EEFSEC: variants seen among roughly 807,000 people sequenced by gnomAD.
EEFSEC encodes selenocysteine-specific elongation factor.
In EEFSEC, 43 loss-of-function variants were observed where a neutral mutation model predicts 42.1. The observed-to-expected ratio is 1.02, with a 90% CI of 0.80 to 1.32. The LOEUF is 1.32. Among genes scored for constraint, EEFSEC ranks in the 40% most tolerant of loss-of-function variants. EEFSEC has a pLI of 0.00. For missense variants in EEFSEC, 745 were observed against 803.6 expected, an observed-to-expected ratio of 0.93 and a Z score of 0.88; for synonymous variants, 354 against 339.1, an observed-to-expected ratio of 1.04 and a Z score of -0.48.
At chr3:128,159,254 T>A (rs1944436505) in intron 1 of EEFSEC, among the ~76,000 whole-genome samples, 1 of 152,212 alleles carries the variant, frequency 6.6e-6, no homozygotes, top group Non-Finnish European at 1.5e-5. Flanking sequence ...CCAAGCAAAG[T>A]GCCTTGGGCT....
At chr3:128,237,133 A>C (rs1446525925) in intron 1 of EEFSEC, among the ~76,000 whole-genome samples, 1 of 152,186 alleles carries the variant, frequency 6.6e-6, no homozygotes, top group African/African-American at 2.4e-5. Context: ...TATATTTCCA[A>C]TTTGAAATAT....
intron 4 of EEFSEC, among the ~76,000 whole-genome samples, chr3:128,280,472 A>G (rs2066514309): frequency 6.6e-6 from 1 of 152,036 alleles, no homozygotes; most frequent in Non-Finnish European, 1.5e-5. Context: ...TCTGCTGGGG[A>G]GGCCTCTGTG....
chr3:128,209,493 G>A (rs143603714), intron 1 of EEFSEC, among the ~76,000 whole-genome samples: 24 of 152,266 alleles, frequency 1.6e-4, no homozygotes, highest in African/African-American at 4.8e-4. Context: ...AAGGCTAGGC[G>A]CCAGTCTTAC....
rs143407018 is a variant in EEFSEC at position 128,224,781 on chromosome 3, A to G, written c.317-22055A>G. ...TTCTTTGGTATCCAGTACCCTATCT[A>G]TATTTAGAATTTTCTTGAAAAATGT... On this transcript the variant is annotated intron_variant, in intron 1 of 6. Coordinates refer to ENST00000254730, the MANE Select transcript of EEFSEC (RefSeq NM_021937.5). Among the ~76,000 whole-genome samples, 385 of 152,320 alleles carry G rather than the reference A, an allele frequency of 2.5e-3. 1 individual carries two copies. The highest frequency in any genetic ancestry group is 9.1e-3 in the African/African-American group (380 of 41,564).
intron 6 of EEFSEC, among the ~76,000 whole-genome samples, chr3:128,383,499 G>A (rs966573319): frequency 2.0e-5 from 3 of 152,228 alleles, no homozygotes; most frequent in Admixed American, 6.5e-5. Context: ...AGACTAAGGC[G>A]CAGAGAGGTC....
In EEFSEC at chr3:128,317,566, G is replaced by A. The variant is rs946542809; in HGVS notation, c.787-23667G>A. On this transcript the variant is annotated intron_variant, in intron 4 of 6. Transcript: ENST00000254730. The surrounding 1 kb of genome is among the most constrained non-coding windows in gnomAD (Gnocchi z 4.1). Reference sequence around the variant, plus strand: ...CCCCATCAGTCCTCTTTCCACCCGGGCTACCACTGGAGTCGTTCTGACCTT... The same window carrying A: ...CCCCATCAGTCCTCTTTCCACCCGGACTACCACTGGAGTCGTTCTGACCTT... Among the ~76,000 whole-genome samples the A allele has an allele frequency of 6.6e-6, 1 of 152,188 alleles. No individual in the cohort carries two copies. Among genetic ancestry groups the A allele is most frequent in the African/African-American group, 2.4e-5 (1 of 41,448 alleles).
chr3:128,194,872 CTT>C (rs2065565756), intron 1 of EEFSEC, among the ~76,000 whole-genome samples: 1 of 152,202 alleles, frequency 6.6e-6, no homozygotes, highest in African/African-American at 2.4e-5. Flanking sequence ...ATCTAGGTGA[CTT>C]TTAATTTCCT....
chr3:128,284,018 A>G (rs532857986), intron 4 of EEFSEC, among the ~76,000 whole-genome samples: 18 of 152,326 alleles, frequency 1.2e-4, no homozygotes, highest in Admixed American at 1.3e-4. Flanking sequence ...GCTGCCATGT[A>G]TCAGCCTCCC....
chr3:128,250,109 TG>T (rs1249554669), intron 2 of EEFSEC, among the ~76,000 whole-genome samples: 1 of 152,186 alleles, frequency 6.6e-6, no homozygotes, highest in Non-Finnish European at 1.5e-5. Context: ...TTTCTGTTGT[TG>T]TTGTTGTTGA....
chr3:128,341,343 G>A lies in EEFSEC; in HGVS notation c.897G>A (p.Glu299=). The part of the protein sequence containing the change: ...CVTQFDPKLL[E]RGLVCAPESL... ...CCCAGTTTGACCCTAAGCTGCTGGAGCGCGGGTTGGTGTGTGCCCCCGAGT... is the reference window on the plus strand; with the variant it reads ...CCCAGTTTGACCCTAAGCTGCTGGAACGCGGGTTGGTGTGTGCCCCCGAGT... Residue 299 remains glutamate (E), a synonymous_variant, in exon 5 of 7, where the codon GAG becomes GAA. Coordinates refer to ENST00000254730, the MANE Select transcript of EEFSEC (RefSeq NM_021937.5). 1 of 1,614,194 alleles carries A rather than the reference G, an allele frequency of 6.2e-7. No individual in the cohort carries two copies. The highest frequency in any genetic ancestry group is 8.5e-7 in the Non-Finnish European group (1 of 1,180,038).
In EEFSEC at chr3:128,382,257, A is replaced by G. The variant is rs545009802; in HGVS notation, c.1600+23884A>G. On this transcript the variant is annotated intron_variant, in intron 6 of 6. Coordinates refer to ENST00000254730, the MANE Select transcript of EEFSEC (RefSeq NM_021937.5). ...ACTCCTGGGCCTTGAGGCAAGTGTC[A>G]TGGGAAATTGGATGCCAACCAAGCC... 3.3e-5 allele frequency among the ~76,000 whole-genome samples: 5 copies of G among 152,356 alleles called. 1 individual carries two copies. Among genetic ancestry groups the G allele is most frequent in the African/African-American group, 1.2e-4 (5 of 41,594 alleles).
At position 128,341,771 on chromosome 3, in the gene EEFSEC, G is replaced by T. The variant is rs2067257427; in HGVS notation, c.1325G>T (p.Cys442Phe). 1 of 1,614,022 alleles carries T rather than the reference G, an allele frequency of 6.2e-7. No individual in the cohort carries two copies. The highest frequency in any genetic ancestry group is 1.7e-5 in the Admixed American group (1 of 60,016). ...GATGCGGACATTCACACCAACACGT[G>T]CCGGCTAGCCTTCCATGGCATCCTG... ...RLDADIHTNTCRLAFHGILLH... is the reference protein window; with the variant it reads ...RLDADIHTNTFRLAFHGILLH... The change falls in exon 5 of 7, where the codon TGC (cysteine) becomes TTC (phenylalanine). Residue 442 changes from cysteine to phenylalanine, a missense_variant. Physicochemically the swap from Cys to Phe is radical, Grantham distance 205. Coordinates refer to ENST00000254730, the MANE Select transcript of EEFSEC (RefSeq NM_021937.5).
chr3:128,321,779 G>A (rs913473736), intron 4 of EEFSEC, among the ~76,000 whole-genome samples: 1 of 152,202 alleles, frequency 6.6e-6, no homozygotes, highest in East Asian at 1.9e-4. Context: ...TTGCCCCGAT[G>A]GAATGTCCAG....
chr3:128,193,737 A>G (rs1308267870), intron 1 of EEFSEC, among the ~76,000 whole-genome samples: 1 of 152,108 alleles, frequency 6.6e-6, no homozygotes, highest in Non-Finnish European at 1.5e-5. Flanking sequence ...ATCACACACT[A>G]ATCCGCAGGC....
intron 1 of EEFSEC, among the ~76,000 whole-genome samples, chr3:128,182,567 C>T (rs2065419899): frequency 6.6e-6 from 1 of 150,924 alleles, no homozygotes; most frequent in Non-Finnish European, 1.5e-5. Context: ...ATAATAGTTT[C>T]CCCTCATTCT....
At chr3:128,153,894 C>A in intron 1 of EEFSEC, 71 bp downstream of exon 1, 1 of 1,428,170 alleles carries the variant, frequency 7.0e-7, no homozygotes, top group South Asian at 1.5e-5. Flanking sequence ...TGTCCGAATT[C>A]GCTCGAGCCT....
intron 4 of EEFSEC, among the ~76,000 whole-genome samples, chr3:128,298,097 C>A (rs1207927225): frequency 1.3e-5 from 2 of 152,234 alleles, no homozygotes; most frequent in African/African-American, 4.8e-5. Flanking sequence ...CCCCTTGGAA[C>A]AAATGGGGGC....
chr3:128,278,161 G>A (rs1469635743), intron 4 of EEFSEC, among the ~76,000 whole-genome samples: 1 of 152,202 alleles, frequency 6.6e-6, no homozygotes, highest in Non-Finnish European at 1.5e-5. Context: ...AAGACAGATG[G>A]TTTGGAGAAC....
chr3:128,339,108 C>A (rs1257738836), intron 4 of EEFSEC, among the ~76,000 whole-genome samples: 1 of 152,226 alleles, frequency 6.6e-6, no homozygotes, highest in African/African-American at 2.4e-5. Flanking sequence ...TCCCAAAAAT[C>A]TCATTCTCCT....
Sources: allele counts gnomAD v4.1 joint callset (sites outside exome capture counted in the v4.1 genomes callset), GRCh38; gene constraint gnomAD v4.1.1; non-coding constraint Gnocchi (gnomAD v3.1); transcripts MANE v1.5; gene names NCBI Gene and HGNC (gene_info 2026-07-23, HGNC 2026-07-21).